The following NEGR1 variants were observed in gnomAD, a reference collection of about 807,000 sequenced individuals.
NEGR1 encodes the protein IgLON family member 4.
NEGR1 carries 10 observed loss-of-function variants against 40.9 expected under a neutral mutation model. The observed-to-expected ratio is 0.24, with a 90% confidence interval of 0.15 to 0.42. NEGR1 has a LOEUF of 0.42. Among genes scored for constraint, NEGR1 ranks in the 10% least tolerant of loss-of-function variants. The pLI is 1.00. For missense variants in NEGR1, 352 were observed against 438.9 expected (o/e 0.80, Z 1.77); for synonymous variants, 185 against 166.8 (o/e 1.11, Z -0.84).
intron 2 of NEGR1, among the ~76,000 whole-genome samples, chr1:71,877,216 C>T (rs1018901680): frequency 1.3e-5 from 2 of 151,890 alleles, no homozygotes; most frequent in African/African-American, 2.4e-5. Context: ...GAAAAATCTA[C>T]CAGGGAACCA....
chr1:71,903,379 A>C (rs1661192687), intron 2 of NEGR1, among the ~76,000 whole-genome samples: 1 of 152,054 alleles, frequency 6.6e-6, no homozygotes, highest in East Asian at 1.9e-4. Context: ...CAGAAATTTT[A>C]CTTTCAATTC....
chr1:72,263,017 T>C lies in NEGR1; in HGVS notation c.176+19302A>G, dbSNP rs1655508657. Reference sequence around the variant, plus strand: ...CATACAGCTTCCACTAAGATTACCATATTTTCAGTTTCTTGTTCTTCAAAG... The same window carrying C: ...CATACAGCTTCCACTAAGATTACCACATTTTCAGTTTCTTGTTCTTCAAAG... On this transcript the variant is annotated intron_variant, in intron 1 of 6. Coordinates refer to ENST00000357731, the MANE Select transcript of NEGR1 (RefSeq NM_173808.3). Among the ~76,000 whole-genome samples, 3 of 151,792 alleles carry C rather than the reference T, an allele frequency of 2.0e-5. 1 individual carries two copies. Among genetic ancestry groups the C allele is most frequent in the South Asian group, 4.1e-4 (2 of 4,834 alleles).
chr1:71,454,460 T>G (rs1270340429), intron 6 of NEGR1, among the ~76,000 whole-genome samples: 1 of 152,180 alleles, frequency 6.6e-6, no homozygotes, highest in East Asian at 1.9e-4. Flanking sequence ...TTTCATCTTC[T>G]GACATCCAAT....
chr1:71,928,079 T>TATATGTATATATACACAC (rs1645797909), intron 2 of NEGR1, among the ~76,000 whole-genome samples: 2 of 91,364 alleles, frequency 2.2e-5, no homozygotes, highest in East Asian at 4.1e-4. Flanking sequence ...CATATGTACA[T>TATATGTATATATACACAC]ATATGTATAT....
chr1:71,885,850 C>T (rs959333453), intron 2 of NEGR1, among the ~76,000 whole-genome samples: 1 of 152,082 alleles, frequency 6.6e-6, no homozygotes, highest in African/African-American at 2.4e-5. Context: ...CATAACAAAA[C>T]AAATGGCGTA....
At chr1:72,003,556 G>GA (rs374806611) in intron 1 of NEGR1, among the ~76,000 whole-genome samples, 1 of 151,266 alleles carries the variant, frequency 6.6e-6, no homozygotes, top group Non-Finnish European at 1.5e-5. Flanking sequence ...GGAGAACTTA[G>GA]AAAAAAAAGC....
chr1:72,110,595 A>T (rs1042736459), intron 1 of NEGR1, among the ~76,000 whole-genome samples: 2 of 151,654 alleles, frequency 1.3e-5, no homozygotes, highest in Non-Finnish European at 3.0e-5. Context: ...AAATACTATA[A>T]ACCCGAAAAA....
chr1:71,503,355 G>A (rs1004118729), intron 6 of NEGR1, among the ~76,000 whole-genome samples: 1 of 151,996 alleles, frequency 6.6e-6, no homozygotes, highest in African/African-American at 2.4e-5. Flanking sequence ...AAGAAGAAGA[G>A]CCTAGTAAAA....
intron 1 of NEGR1, among the ~76,000 whole-genome samples, chr1:72,113,633 G>A (rs1229281391): frequency 6.6e-6 from 1 of 151,400 alleles, no homozygotes; most frequent in Admixed American, 6.6e-5. Flanking sequence ...AGGAAAGTGT[G>A]GTGAAGGATG....
intron 2 of NEGR1, among the ~76,000 whole-genome samples, chr1:71,801,541 T>G (rs1657558638): frequency 1.3e-5 from 2 of 152,164 alleles, no homozygotes. Context: ...CTTTCTTATC[T>G]CAGTTAATCA....
intron 3 of NEGR1, among the ~76,000 whole-genome samples, chr1:71,737,781 C>T (rs1000419940): frequency 1.3e-5 from 2 of 152,074 alleles, no homozygotes; most frequent in East Asian, 1.9e-4. Flanking sequence ...CTTACATTGC[C>T]GTTTTCCTGA....
At chr1:71,503,359 A>G (rs1036822441) in intron 6 of NEGR1, among the ~76,000 whole-genome samples, 8 of 152,124 alleles carry the variant, frequency 5.3e-5, no homozygotes, top group African/African-American at 1.9e-4. Context: ...AGAAGAGCCT[A>G]GTAAAAAGCC....
chr1:72,134,824 G>A (rs970716642), intron 1 of NEGR1, among the ~76,000 whole-genome samples: 3 of 151,126 alleles, frequency 2.0e-5, no homozygotes, highest in African/African-American at 4.8e-5. Context: ...CACAACCTCC[G>A]CCTCCTGGGT....
At chr1:71,958,333 C>T (rs1017711367) in intron 1 of NEGR1, among the ~76,000 whole-genome samples, 1 of 152,092 alleles carries the variant, frequency 6.6e-6, no homozygotes, top group African/African-American at 2.4e-5. Flanking sequence ...TATTCATCTG[C>T]ATCAGTATGT....
intron 1 of NEGR1, among the ~76,000 whole-genome samples, chr1:72,190,499 T>C (rs907671155): frequency 6.6e-6 from 1 of 151,590 alleles, no homozygotes. Context: ...AATGGAGATA[T>C]TTAATTTTAA....
intron 1 of NEGR1, among the ~76,000 whole-genome samples, chr1:72,196,504 C>G (rs1173979031): frequency 6.6e-6 from 1 of 151,992 alleles, no homozygotes; most frequent in Non-Finnish European, 1.5e-5. Flanking sequence ...GCACAGTGGC[C>G]CATGCCTATA....
chr1:71,928,512 G>A (rs1645822200), intron 2 of NEGR1, among the ~76,000 whole-genome samples: 1 of 89,178 alleles, frequency 1.1e-5, no homozygotes, highest in African/African-American at 4.3e-5. Flanking sequence ...GTATACATGT[G>A]TATATATATA....
chr1:71,720,969 A>G lies in NEGR1; in HGVS notation c.536-22830T>C, dbSNP rs952889398. Reference sequence around the variant, plus strand: ...AGAAAACATCAGTCAGCACTGCAATATCCTTTCAAATATAACAGGTAGAAG... The same window carrying G: ...AGAAAACATCAGTCAGCACTGCAATGTCCTTTCAAATATAACAGGTAGAAG... On this transcript the variant is annotated intron_variant, in intron 3 of 6. Coordinates refer to ENST00000357731, the MANE Select transcript of NEGR1 (RefSeq NM_173808.3). 1.2e-4 allele frequency among the ~76,000 whole-genome samples: 19 copies of G among 152,188 alleles called. 1 individual carries two copies. Among genetic ancestry groups the G allele is most frequent in the African/African-American group, 4.3e-4 (18 of 41,462 alleles).
At chr1:71,884,389 T>A (rs1025173706) in intron 2 of NEGR1, among the ~76,000 whole-genome samples, 9 of 152,288 alleles carry the variant, frequency 5.9e-5, no homozygotes, top group African/African-American at 2.2e-4. Flanking sequence ...CTAAATTCAT[T>A]CCTTAATTAT....
Sources: gnomAD v4.1 joint callset for allele counts (sites outside exome capture counted in the v4.1 genomes callset) on GRCh38, gnomAD v4.1.1 for gene constraint, MANE v1.5 for transcripts, NCBI Gene and HGNC (gene_info 2026-07-23, HGNC 2026-07-21) for gene names.